DLGAP1: variants seen among roughly 807,000 people sequenced by gnomAD.
DLGAP1 encodes DLG associated protein 1.
In DLGAP1, 11 loss-of-function variants were observed where a neutral mutation model predicts 90.8. That is an observed-to-expected ratio of 0.12 (90% CI 0.08 to 0.20). DLGAP1 has a LOEUF of 0.20. Ranked by LOEUF, DLGAP1 falls within the 10% of genes least tolerant of loss-of-function variation. The pLI is 1.00. For missense variants in DLGAP1, 1,050 were observed against 1,333.8 expected, an observed-to-expected ratio of 0.79 and a Z score of 3.31; for synonymous variants, 558 against 540.7, an observed-to-expected ratio of 1.03 and a Z score of -0.44.
At chr18:4,247,546 C>T (rs371408926) in intron 1 of DLGAP1, among the ~76,000 whole-genome samples, 2 of 152,044 alleles carry the variant, frequency 1.3e-5, no homozygotes, top group African/African-American at 2.4e-5. Context: ...GAGGCCGAGC[C>T]GAGCGGATCA....
intron 1 of DLGAP1, among the ~76,000 whole-genome samples, chr18:4,320,991 C>CT (rs1319508702): frequency 6.6e-6 from 1 of 152,052 alleles, no homozygotes; most frequent in East Asian, 1.9e-4. Flanking sequence ...GTAAATATCT[C>CT]TAAGTGCAAA....
At chr18:3,913,144 T>C (rs8093944) in intron 3 of DLGAP1, among the ~76,000 whole-genome samples, 4,324 of 152,262 alleles carry the variant, frequency 0.028, 200 homozygotes, top group African/African-American at 0.096. Context: ...AGGGTCTCAC[T>C]CTGTTACCCA....
chr18:4,037,903 T>C (rs1598283513), intron 2 of DLGAP1, among the ~76,000 whole-genome samples: 1 of 152,206 alleles, frequency 6.6e-6, no homozygotes. Context: ...GAAGTTGCAG[T>C]GAGCTGAGAT....
chr18:3,938,511 T>A (rs1001682153), intron 3 of DLGAP1, among the ~76,000 whole-genome samples: 1 of 152,228 alleles, frequency 6.6e-6, no homozygotes, highest in Non-Finnish European at 1.5e-5. Context: ...GTCGCGAGCC[T>A]CTGTTGTACT....
intron 5 of DLGAP1, among the ~76,000 whole-genome samples, chr18:3,755,033 T>G (rs1296093011): frequency 1.3e-5 from 2 of 152,196 alleles, no homozygotes; most frequent in Admixed American, 1.3e-4. Context: ...ATAACTGCTA[T>G]AATTAATTGT....
At chr18:4,289,042 G>A (rs114600572) in intron 1 of DLGAP1, among the ~76,000 whole-genome samples, 3 of 152,048 alleles carry the variant, frequency 2.0e-5, no homozygotes, top group Non-Finnish European at 4.4e-5. Context: ...AAATGAAAAC[G>A]GAATAACAGA....
chr18:3,888,032 C>A (rs903492510), intron 3 of DLGAP1, among the ~76,000 whole-genome samples: 3 of 141,564 alleles, frequency 2.1e-5, no homozygotes, highest in African/African-American at 7.9e-5. Context: ...GGCGTGAACC[C>A]GGGAGGCGGA....
intron 1 of DLGAP1, among the ~76,000 whole-genome samples, chr18:4,334,366 T>C (rs941640224): frequency 1.1e-4 from 17 of 151,774 alleles, no homozygotes; most frequent in African/African-American, 3.9e-4. Context: ...TGCATATACA[T>C]TGGTCAAAAG....
chr18:3,629,375 TA>T (rs976703268), intron 7 of DLGAP1, among the ~76,000 whole-genome samples: 7 of 151,322 alleles, frequency 4.6e-5, no homozygotes, highest in African/African-American at 1.7e-4. Context: ...AACAAATAAA[TA>T]AAAATAAAAA....
At chr18:4,369,366 C>T (rs1411858420) in intron 1 of DLGAP1, among the ~76,000 whole-genome samples, 1 of 152,120 alleles carries the variant, frequency 6.6e-6, no homozygotes, top group Non-Finnish European at 1.5e-5. Flanking sequence ...CTTACCTTGT[C>T]TCCTGCTGAC....
chr18:4,395,856 G>A (rs149008733), intron 1 of DLGAP1, among the ~76,000 whole-genome samples: 1 of 152,220 alleles, frequency 6.6e-6, no homozygotes, highest in East Asian at 1.9e-4. Context: ...GAATGCGGGA[G>A]CTGCAGTTAA....
chr18:4,227,136 G>C (rs975784380), intron 1 of DLGAP1, among the ~76,000 whole-genome samples: 3 of 151,936 alleles, frequency 2.0e-5, no homozygotes, highest in Middle Eastern at 3.4e-3. Flanking sequence ...TGATAACGGG[G>C]TCAATTCAAT....
chr18:4,179,534 A>AT (rs2077172006), intron 1 of DLGAP1, among the ~76,000 whole-genome samples: 1 of 152,180 alleles, frequency 6.6e-6, no homozygotes, highest in Non-Finnish European at 1.5e-5. Flanking sequence ...TACATTAATT[A>AT]TAAGACATAC....
chr18:4,369,662 C>T (rs1028279003), intron 1 of DLGAP1, among the ~76,000 whole-genome samples: 19 of 151,208 alleles, frequency 1.3e-4, no homozygotes, highest in African/African-American at 4.1e-4. Context: ...CCCAGGCTCT[C>T]GGGGAATAAA....
intron 5 of DLGAP1, among the ~76,000 whole-genome samples, chr18:3,770,254 G>A (rs1305706907): frequency 3.9e-5 from 6 of 152,124 alleles, no homozygotes; most frequent in Non-Finnish European, 8.8e-5. Flanking sequence ...TGTCTGATAG[G>A]TCAGTGCTGT....
At chr18:4,305,350 C>G (rs955151505) in intron 1 of DLGAP1, among the ~76,000 whole-genome samples, 1 of 151,964 alleles carries the variant, frequency 6.6e-6, no homozygotes, top group Non-Finnish European at 1.5e-5. Context: ...GCTTGACCAA[C>G]GTGGTGAAAC....
At chr18:4,370,174 T>C (rs891705228) in intron 1 of DLGAP1, among the ~76,000 whole-genome samples, 9 of 152,098 alleles carry the variant, frequency 5.9e-5, no homozygotes, top group African/African-American at 2.2e-4. Context: ...ATGTTTAGAA[T>C]TGGATGAGAG....
intron 7 of DLGAP1, among the ~76,000 whole-genome samples, chr18:3,586,310 C>A (rs967481233): frequency 6.6e-5 from 10 of 152,076 alleles, no homozygotes; most frequent in Non-Finnish European, 7.4e-5. Context: ...AGGAAAGGAA[C>A]CATCTCCCAT....
chr18:4,317,119 A>T (rs2080550361), intron 1 of DLGAP1, among the ~76,000 whole-genome samples: 1 of 152,184 alleles, frequency 6.6e-6, no homozygotes, highest in Non-Finnish European at 1.5e-5. Flanking sequence ...GCAAAATGTG[A>T]AAATGTAGGG....
Sources: gnomAD v4.1 joint callset for allele counts (sites outside exome capture counted in the v4.1 genomes callset) on GRCh38, gnomAD v4.1.1 for gene constraint, MANE v1.5 for transcripts, NCBI Gene and HGNC (gene_info 2026-07-23, HGNC 2026-07-21) for gene names.